Variants in LPP observed in about 807,000 individuals in gnomAD.
LPP encodes lipoma-preferred partner.
Under a neutral mutation model 60.4 loss-of-function variants are expected in LPP, and 38 were observed. The ratio of observed to expected loss-of-function variants is 0.63; its 90% confidence interval spans 0.49 to 0.83. The LOEUF is 0.83. LPP is among the 40% of genes least tolerant of loss of function. LPP has a pLI of 0.00. For synonymous variants in LPP, 328 were observed against 290.8 expected, an observed-to-expected ratio of 1.13 and a Z score of -1.30; for missense variants, 902 against 783.6, an observed-to-expected ratio of 1.15 and a Z score of -1.80.
intron 1 of LPP, among the ~76,000 whole-genome samples, chr3:188,204,256 G>A (rs1299934925): frequency 2.0e-5 from 3 of 152,208 alleles, no homozygotes; most frequent in Admixed American, 6.5e-5. Flanking sequence ...AAAGGGAGAC[G>A]TGGCTAAAAA....
chr3:188,709,383 G>A, intron 8 of LPP: 1 of 152,004 alleles, frequency 6.6e-6, no homozygotes, highest in Admixed American at 6.6e-5. Context: ...TTGAGACAGA[G>A]CCTTGCTCTG....
chr3:188,244,584 C>T (rs561403990), intron 2 of LPP, among the ~76,000 whole-genome samples: 1 of 152,252 alleles, frequency 6.6e-6, no homozygotes, highest in Admixed American at 6.5e-5. Context: ...AGAATACTCC[C>T]TAGGGACTTT....
At chr3:188,223,774 G>A (rs1379292147) in intron 1 of LPP, among the ~76,000 whole-genome samples, 2 of 152,192 alleles carry the variant, frequency 1.3e-5, no homozygotes, top group African/African-American at 4.8e-5. Flanking sequence ...GCTTGCGGGT[G>A]AGGGTAGGGA....
chr3:188,848,366 C>G (rs532802395), intron 9 of LPP, among the ~76,000 whole-genome samples: 140 of 152,264 alleles, frequency 9.2e-4, no homozygotes, highest in African/African-American at 3.3e-3. Context: ...TGGAATGGGT[C>G]CCTCTCTGAT....
intron 7 of LPP, among the ~76,000 whole-genome samples, chr3:188,630,122 G>A (rs947037117): frequency 1.6e-4 from 25 of 152,002 alleles, no homozygotes; most frequent in Middle Eastern, 3.4e-3. Context: ...AAATTGACAA[G>A]TGAGACCTAA....
chr3:188,728,940 T>G (rs1719415248), intron 8 of LPP, among the ~76,000 whole-genome samples: 1 of 151,936 alleles, frequency 6.6e-6, no homozygotes, highest in Non-Finnish European at 1.5e-5. Flanking sequence ...CCATAGACCA[T>G]TATAGGTTAG....
rs755103417 is a variant in LPP at position 188,609,546 on chromosome 3, A to G, written c.815A>G (p.Asp272Gly). 1 of 1,614,100 alleles carries G rather than the reference A, an allele frequency of 6.2e-7. No individual in the cohort carries two copies. Among genetic ancestry groups the G allele is most frequent in the Non-Finnish European group, 8.5e-7 (1 of 1,180,020 alleles). The change falls in exon 7 of 12, where the codon GAT becomes GGT. Residue 272 changes from aspartate to glycine, a missense_variant. Asp to Gly is a moderately conservative substitution (Grantham distance 94). Coordinates refer to ENST00000617246, the MANE Select transcript of LPP (RefSeq NM_001375462.1). The surrounding 1 kb of genome is among the most constrained non-coding windows in gnomAD (Gnocchi z 6.9). ...CPPPSTRGGMDYAYIPPPGLQ... is the reference protein window; with the variant it reads ...CPPPSTRGGMGYAYIPPPGLQ... ...CCTCCTTCAACACGGGGAGGCATGG[A>G]TTATGCCTACATTCCACCACCAGGA...
In LPP at chr3:188,878,800, A is replaced by AAGTCAACT; in HGVS notation, c.*4322_*4329dup. 1 of 208,590 alleles carries AAGTCAACT rather than the reference A, an allele frequency of 4.8e-6. No individual in the cohort carries two copies. Among genetic ancestry groups the AAGTCAACT allele is most frequent in the Non-Finnish European group, 9.7e-6 (1 of 102,720 alleles). The allele number at this position is 208,590 out of a possible 1,614,324, so 12.9% of individuals were successfully genotyped here. ...AGAAAGAAAGAAAAGAAAGAGAGAG[A>AAGTCAACT]AGTCAACTTTTCATCTTAATATATT... On this transcript the variant is annotated 3_prime_UTR_variant, in exon 12 of 12. Transcript: ENST00000617246.
chr3:188,746,448 G>C, intron 8 of LPP: 1 of 451,238 alleles, frequency 2.2e-6, no homozygotes, highest in South Asian at 1.6e-5. Flanking sequence ...AATAAAGCAA[G>C]CTGTATTTGT....
chr3:188,797,276 C>A (rs1335623481), intron 9 of LPP, among the ~76,000 whole-genome samples: 2 of 152,068 alleles, frequency 1.3e-5, no homozygotes, highest in Non-Finnish European at 2.9e-5. Flanking sequence ...CACGGATTTG[C>A]TAGAAGCTAT....
chr3:188,527,532 C>G (rs1207514430), intron 6 of LPP, among the ~76,000 whole-genome samples: 2 of 152,008 alleles, frequency 1.3e-5, no homozygotes, highest in East Asian at 3.9e-4. Flanking sequence ...GGAAATAAGA[C>G]CAACTCTAGA....
chr3:188,193,067 G>A (rs558725708), intron 1 of LPP, among the ~76,000 whole-genome samples: 3 of 152,238 alleles, frequency 2.0e-5, no homozygotes, highest in East Asian at 1.9e-4. Context: ...TGTTTATGCT[G>A]TTGTGACAGG....
In LPP at chr3:188,512,484, G is replaced by A. The variant is rs547107335; in HGVS notation, c.307-12181G>A. 3.2e-4 allele frequency among the ~76,000 whole-genome samples: 29 copies of A among 91,432 alleles called. 1 individual carries two copies. In the East Asian group the frequency reaches 4.9e-3, roughly 15 times the overall value. The allele number at this position is 91,432 out of a possible 152,430, so 60.0% of individuals were successfully genotyped here. ...GGAGAATTGCTTGAACCTGGGAGAC[G>A]GAGGTTTCAATGAGCCAAGGTTGCA... On this transcript the variant is annotated intron_variant, in intron 5 of 11. Transcript: ENST00000617246.
At chr3:188,619,564 C>T (rs1194958587) in intron 7 of LPP, among the ~76,000 whole-genome samples, 1 of 152,180 alleles carries the variant, frequency 6.6e-6, no homozygotes, top group Non-Finnish European at 1.5e-5. Context: ...TGAAATACAG[C>T]CATACTCGCT....
At chr3:188,493,389 C>G (rs1041989965) in intron 5 of LPP, among the ~76,000 whole-genome samples, 1 of 152,110 alleles carries the variant, frequency 6.6e-6, no homozygotes, top group Non-Finnish European at 1.5e-5. Flanking sequence ...TAAACTGTGT[C>G]TAGACACAGC....
intron 7 of LPP, among the ~76,000 whole-genome samples, chr3:188,699,885 A>G (rs1297851042): frequency 1.3e-5 from 2 of 152,200 alleles, no homozygotes; most frequent in Non-Finnish European, 2.9e-5. Context: ...TGAGAGTCAA[A>G]AAGTAGAAGC....
At chr3:188,371,226 A>G (rs975315668) in intron 3 of LPP, among the ~76,000 whole-genome samples, 1 of 152,158 alleles carries the variant, frequency 6.6e-6, no homozygotes, top group Non-Finnish European at 1.5e-5. Context: ...TAGCCTGTCC[A>G]ATCCCCATTA....
chr3:188,515,093 A>G (rs974123251), intron 5 of LPP, among the ~76,000 whole-genome samples: 2 of 152,218 alleles, frequency 1.3e-5, no homozygotes, highest in Non-Finnish European at 2.9e-5. Flanking sequence ...GACGTTTGAT[A>G]CGGCTTGGAT....
chr3:188,455,757 T>C (rs1797597894), intron 4 of LPP, among the ~76,000 whole-genome samples: 1 of 151,898 alleles, frequency 6.6e-6, no homozygotes, highest in Non-Finnish European at 1.5e-5. Flanking sequence ...AAGAGAATAT[T>C]GGTTTTTTTC....
Sources: gnomAD v4.1 joint callset for allele counts (sites outside exome capture counted in the v4.1 genomes callset) on GRCh38, gnomAD v4.1.1 for gene constraint, Gnocchi (gnomAD v3.1) non-coding constraint, MANE v1.5 for transcripts, NCBI Gene and HGNC (gene_info 2026-07-23, HGNC 2026-07-21) for gene names.